The following GPC6 variants were observed in gnomAD, a reference collection of about 807,000 sequenced individuals.
GPC6 encodes glypican 6.
GPC6 carries 14 observed loss-of-function variants against 55.2 expected under a neutral mutation model. The ratio of observed to expected loss-of-function variants is 0.25; its 90% CI spans 0.17 to 0.40. The LOEUF (loss-of-function observed/expected upper bound fraction) is 0.40, where lower values mean the gene tolerates loss of function less well. Among genes scored for constraint, GPC6 ranks in the 10% least tolerant of loss-of-function variants. The pLI is 1.00. For missense variants in GPC6, 641 were observed against 708.5 expected (o/e 0.90, Z 1.08); for synonymous variants, 278 against 259.6 (o/e 1.07, Z -0.68).
intron 1 of GPC6, among the ~76,000 whole-genome samples, chr13:93,274,135 C>T (rs1877647813): frequency 6.6e-6 from 1 of 152,152 alleles, no homozygotes; most frequent in African/African-American, 2.4e-5. Context: ...AGCTGTCTTC[C>T]TACAGCTTAA....
chr13:94,343,586 A>G (rs1032661468), intron 6 of GPC6, among the ~76,000 whole-genome samples: 4 of 152,184 alleles, frequency 2.6e-5, no homozygotes, highest in Non-Finnish European at 4.4e-5. Flanking sequence ...GAAAATAGAA[A>G]ATTAAGGCTA....
chr13:93,308,142 G>A (rs1007326999), intron 1 of GPC6, among the ~76,000 whole-genome samples: 4 of 151,918 alleles, frequency 2.6e-5, no homozygotes, highest in Admixed American at 6.6e-5. Context: ...AAAATTAGCC[G>A]GGCCTGGTGG....
chr13:94,106,491 C>T (rs900577683), intron 4 of GPC6, among the ~76,000 whole-genome samples: 11 of 151,898 alleles, frequency 7.2e-5, no homozygotes, highest in African/African-American at 2.7e-4. Flanking sequence ...AGACTTGACC[C>T]TGTTTCCATA....
At chr13:93,862,603 A>G (rs1888850246) in intron 3 of GPC6, among the ~76,000 whole-genome samples, 1 of 150,756 alleles carries the variant, frequency 6.6e-6, no homozygotes, top group Admixed American at 6.6e-5. Flanking sequence ...TGGGAACCAT[A>G]TATATACAAC....
At position 94,096,919 on chromosome 13, in the gene GPC6, G is replaced by A. The variant is rs138330600; in HGVS notation, c.877+69025G>A. 8.1e-3 allele frequency among the ~76,000 whole-genome samples: 1,236 copies of A among 152,188 alleles called. 13 individuals carry two copies. Among genetic ancestry groups the A allele is most frequent in the Middle Eastern group, 0.017 (5 of 294 alleles). On this transcript the variant is annotated intron_variant, in intron 4 of 8. Coordinates refer to ENST00000377047, the MANE Select transcript of GPC6 (RefSeq NM_005708.5). Reference sequence around the variant, plus strand: ...TCTGCTCTTGGCTGCTTAAATCTATGAATGGAACATGTGGACATGTAAAGC... The same window carrying A: ...TCTGCTCTTGGCTGCTTAAATCTATAAATGGAACATGTGGACATGTAAAGC...
rs1036337315 is a variant in GPC6 at position 93,703,987 on chromosome 13, A to G, written c.320-126167A>G. On this transcript the variant is annotated intron_variant, in intron 2 of 8. Transcript: ENST00000377047. ...AAACATTACAATTAAACTATCCATG[A>G]ATTGTCAACCAAACCAAATGCATAA... Among the ~76,000 whole-genome samples the G allele has an allele frequency of 2.6e-5, 4 of 152,022 alleles. No homozygotes were observed. In the East Asian group the frequency reaches 7.7e-4, roughly 29 times the overall value.
At chr13:94,278,124 T>C (rs768068538) in intron 4 of GPC6, among the ~76,000 whole-genome samples, 1 of 152,226 alleles carries the variant, frequency 6.6e-6, no homozygotes, top group African/African-American at 2.4e-5. Flanking sequence ...AGCAGTGGTT[T>C]GTAGTTCTCC....
chr13:93,640,633 GAT>G (rs1401452069), intron 2 of GPC6, among the ~76,000 whole-genome samples: 3 of 151,896 alleles, frequency 2.0e-5, no homozygotes, highest in Non-Finnish European at 4.4e-5. Flanking sequence ...GGGGAGAAAA[GAT>G]AGAATAAAAG....
intron 2 of GPC6, among the ~76,000 whole-genome samples, chr13:93,622,709 A>G (rs913867439): frequency 2.0e-5 from 3 of 152,212 alleles, no homozygotes; most frequent in African/African-American, 7.2e-5. Context: ...CCATGATCTA[A>G]TCAGGGTAAT....
chr13:93,331,501 T>C lies in GPC6; in HGVS notation c.160+103885T>C, dbSNP rs1021145036. Among the ~76,000 whole-genome samples, 4 of 152,194 alleles carry C rather than the reference T, an allele frequency of 2.6e-5. No homozygotes were observed. The South Asian group carries it at 8.3e-4, about 31-fold the overall frequency. On this transcript the variant is annotated intron_variant, in intron 1 of 8. Coordinates refer to ENST00000377047, the MANE Select transcript of GPC6 (RefSeq NM_005708.5). The stretch of plus-strand genomic sequence containing the variant: ...TTTACCTGAGAAATATCAATTGCTT[T>C]TTATCACCTTTTGGAGCAAGTATAT...
chr13:93,830,208 T>C lies in GPC6; in HGVS notation c.374T>C (p.Val125Ala), dbSNP rs752721445. Residue 125 changes from valine to alanine, a missense_variant, in exon 3 of 9, where the codon GTA becomes GCA. Transcript: ENST00000377047. ...NAEKSLNDMF[V>A]RTYGMLYMQN... ...GAAAAGTCACTAAATGATATGTTTG[T>C]ACGGACCTATGGCATGCTGTACATG... 6.2e-7 allele frequency: 1 copy of C among 1,609,226 alleles called. No individual in the cohort carries two copies. The highest frequency in any genetic ancestry group is 8.5e-7 in the Non-Finnish European group (1 of 1,176,976).
At chr13:93,930,152 A>G (rs924690643) in intron 3 of GPC6, among the ~76,000 whole-genome samples, 48 of 152,156 alleles carry the variant, frequency 3.2e-4, no homozygotes, top group Non-Finnish European at 8.8e-5. Flanking sequence ...GAGCATTGCT[A>G]TTTTTAAAAG....
At chr13:93,973,072 G>A (rs1325810446) in intron 3 of GPC6, among the ~76,000 whole-genome samples, 3 of 151,890 alleles carry the variant, frequency 2.0e-5, no homozygotes, top group Non-Finnish European at 4.4e-5. Flanking sequence ...TTAATGACAG[G>A]GATACCTTCT....
chr13:93,371,343 T>A (rs1288348350), intron 1 of GPC6, among the ~76,000 whole-genome samples: 2 of 152,122 alleles, frequency 1.3e-5, no homozygotes, highest in Non-Finnish European at 2.9e-5. Context: ...CAAATCTAGT[T>A]AGCTCAGATT....
intron 1 of GPC6, among the ~76,000 whole-genome samples, chr13:93,252,009 T>C (rs572932963): frequency 1.3e-5 from 2 of 152,366 alleles, no homozygotes; most frequent in Non-Finnish European, 2.9e-5. Context: ...ATCTGTTTGA[T>C]AAGTTGCTTT....
At chr13:93,761,130 T>C (rs1282720833) in intron 2 of GPC6, among the ~76,000 whole-genome samples, 1 of 152,242 alleles carries the variant, frequency 6.6e-6, no homozygotes, top group Non-Finnish European at 1.5e-5. Flanking sequence ...TTTTATTCTC[T>C]ATTTTTGAAG....
chr13:94,046,020 A>G (rs1883720962), intron 4 of GPC6, among the ~76,000 whole-genome samples: 1 of 151,980 alleles, frequency 6.6e-6, no homozygotes, highest in Non-Finnish European at 1.5e-5. Context: ...CCAAGAAACA[A>G]TGCTAGATTT....
At chr13:94,022,333 A>T (rs1282156367) in intron 3 of GPC6, among the ~76,000 whole-genome samples, 3 of 152,172 alleles carry the variant, frequency 2.0e-5, no homozygotes, top group South Asian at 4.1e-4. Context: ...ATTTGAAATC[A>T]TGCAATATTT....
In GPC6 at chr13:93,970,968, A is replaced by T. The variant is rs548765002; in HGVS notation, c.712-56761A>T. 7.1e-4 allele frequency among the ~76,000 whole-genome samples: 108 copies of T among 152,348 alleles called. No homozygotes were observed. In the Middle Eastern group the frequency reaches 0.014, roughly 19 times the overall value. On this transcript the variant is annotated intron_variant, in intron 3 of 8. Transcript: ENST00000377047. ...ATTTTGATAGTTATCTATTAATGTTATCCAGAATAAGTCGTGTAATTTCAA... is the reference window on the plus strand; with the variant it reads ...ATTTTGATAGTTATCTATTAATGTTTTCCAGAATAAGTCGTGTAATTTCAA...
Sources: gnomAD v4.1 joint callset for allele counts (sites outside exome capture counted in the v4.1 genomes callset) on GRCh38, gnomAD v4.1.1 for gene constraint, MANE v1.5 for transcripts, NCBI Gene and HGNC (gene_info 2026-07-23, HGNC 2026-07-21) for gene names.